The following FCHSD2 variants were observed in gnomAD, a reference collection of about 807,000 sequenced individuals.
FCHSD2 encodes F-BAR and double SH3 domains protein 2.
In FCHSD2, 38 loss-of-function variants were observed where a neutral mutation model predicts 108.1. That is an observed-to-expected ratio of 0.35 (90% CI 0.27 to 0.46). FCHSD2 has a LOEUF of 0.46. Ranked by LOEUF, FCHSD2 falls within the 20% of genes least tolerant of loss-of-function variation. FCHSD2 has a pLI of 1.00. For synonymous variants in FCHSD2, 279 were observed against 314.7 expected, an observed-to-expected ratio of 0.89 and a Z score of 1.20; for missense variants, 751 against 897.8, an observed-to-expected ratio of 0.84 and a Z score of 2.09.
chr11:73,037,278 C>A (rs921256610), intron 3 of FCHSD2, among the ~76,000 whole-genome samples: 3 of 152,134 alleles, frequency 2.0e-5, no homozygotes, highest in Non-Finnish European at 2.9e-5. Context: ...CCTACACTGA[C>A]ACATAACACA....
chr11:72,998,065 T>A (rs150038311), intron 5 of FCHSD2, among the ~76,000 whole-genome samples: 1 of 151,976 alleles, frequency 6.6e-6, no homozygotes, highest in Non-Finnish European at 1.5e-5. Flanking sequence ...AATATTCAGA[T>A]TGAAGTACAC....
rs574525593 is a variant in FCHSD2, at chr11:73,025,009, G to A, written c.166-9124C>T. Among the ~76,000 whole-genome samples, 18 of 152,278 alleles carry A rather than the reference G, an allele frequency of 1.2e-4. No homozygotes were observed. The South Asian group carries it at 2.5e-3, about 21-fold the overall frequency. ...AAAAATAACAGAAGTTGGCAAGGTC[G>A]TGGAGAAAAAGAACGCTTATACACT... is the stretch of plus-strand genomic sequence containing the variant. On this transcript the variant is annotated intron_variant, in intron 3 of 19. Coordinates refer to ENST00000409418, the MANE Select transcript of FCHSD2 (RefSeq NM_014824.3).
chr11:72,980,167 T>C (rs1857185956), intron 8 of FCHSD2, among the ~76,000 whole-genome samples: 1 of 152,150 alleles, frequency 6.6e-6, no homozygotes, highest in South Asian at 2.1e-4. Flanking sequence ...GAAAACCCAC[T>C]TGCTAAGCAT....
intron 14 of FCHSD2, among the ~76,000 whole-genome samples, chr11:72,847,597 G>T (rs552375481): frequency 6.6e-6 from 1 of 151,606 alleles, no homozygotes; most frequent in East Asian, 1.9e-4. Flanking sequence ...ACATTTTTGT[G>T]TCCAAAACTT....
chr11:72,890,360 A>G (rs1855288464), intron 10 of FCHSD2, among the ~76,000 whole-genome samples: 1 of 148,094 alleles, frequency 6.8e-6, no homozygotes, highest in African/African-American at 2.5e-5. Context: ...GTAAAGAATC[A>G]TTAAAGAGAA....
chr11:72,987,139 G>A (rs1591460128), intron 6 of FCHSD2, among the ~76,000 whole-genome samples: 1 of 152,012 alleles, frequency 6.6e-6, no homozygotes, highest in Non-Finnish European at 1.5e-5. Context: ...TTCCTTCTAT[G>A]GTCTCTCCTA....
chr11:72,869,599 A>T (rs1337642716), intron 12 of FCHSD2: 1 of 152,224 alleles, frequency 6.6e-6, no homozygotes, highest in Non-Finnish European at 1.5e-5. Context: ...GGGCCATGCT[A>T]ATCTTCTCTG....
chr11:72,958,401 C>T (rs1300816462), intron 8 of FCHSD2, among the ~76,000 whole-genome samples: 1 of 152,112 alleles, frequency 6.6e-6, no homozygotes, highest in Non-Finnish European at 1.5e-5. Flanking sequence ...ACCTGTAGTA[C>T]CAGGTATTTG....
intron 12 of FCHSD2, among the ~76,000 whole-genome samples, chr11:72,870,671 G>C (rs886604008): frequency 2.0e-5 from 3 of 151,972 alleles, no homozygotes; most frequent in Middle Eastern, 6.8e-3. Context: ...GAAGCCGAGG[G>C]GGGCAGATCA....
chr11:73,070,641 G>A (rs1432070353), intron 3 of FCHSD2, among the ~76,000 whole-genome samples: 3 of 151,824 alleles, frequency 2.0e-5, no homozygotes, highest in Non-Finnish European at 4.4e-5. Flanking sequence ...GGCCAGGCTG[G>A]TCTCGAACTC....
intron 4 of FCHSD2, among the ~76,000 whole-genome samples, chr11:73,010,497 T>C (rs1194775109): frequency 6.6e-6 from 1 of 152,250 alleles, no homozygotes; most frequent in African/African-American, 2.4e-5. Context: ...TAACTGCACA[T>C]CTGATGTGAT....
At chr11:72,904,777 A>C (rs972487380) in intron 9 of FCHSD2, among the ~76,000 whole-genome samples, 6 of 152,176 alleles carry the variant, frequency 3.9e-5, no homozygotes, top group Admixed American at 3.9e-4. Context: ...CTTTCTTTTC[A>C]TATACTAGTT....
intron 3 of FCHSD2, among the ~76,000 whole-genome samples, chr11:73,044,871 C>T (rs1352201276): frequency 6.6e-6 from 1 of 152,052 alleles, no homozygotes; most frequent in Non-Finnish European, 1.5e-5. Context: ...GAGATCGAGA[C>T]CATCCTGACT....
At chr11:73,020,141 C>T (rs1042845795) in intron 3 of FCHSD2, among the ~76,000 whole-genome samples, 3 of 152,144 alleles carry the variant, frequency 2.0e-5, no homozygotes, top group Non-Finnish European at 2.9e-5. Flanking sequence ...TTTAAAAAGC[C>T]ATCAGTGTCT....
At chr11:72,903,229 ATTTT>A (rs1475855910) in intron 9 of FCHSD2, among the ~76,000 whole-genome samples, 2 of 150,552 alleles carry the variant, frequency 1.3e-5, no homozygotes, top group African/African-American at 2.4e-5. Flanking sequence ...TTATTTATTT[ATTTT>A]TTGAGACGAG....
At chr11:72,867,151 G>C (rs1042325155) in intron 13 of FCHSD2, among the ~76,000 whole-genome samples, 2 of 152,238 alleles carry the variant, frequency 1.3e-5, no homozygotes, top group Non-Finnish European at 2.9e-5. Context: ...CAGGATGACA[G>C]AGAGTAATGG....
intron 3 of FCHSD2, among the ~76,000 whole-genome samples, chr11:73,078,888 T>C (rs1859617648): frequency 6.6e-6 from 1 of 152,180 alleles, no homozygotes; most frequent in Non-Finnish European, 1.5e-5. Flanking sequence ...TGGCTAATTT[T>C]TTTTTATTTT....
intron 3 of FCHSD2, among the ~76,000 whole-genome samples, chr11:73,045,936 G>A (rs965464635): frequency 6.8e-6 from 1 of 146,454 alleles, no homozygotes; most frequent in Non-Finnish European, 1.5e-5. Context: ...AAAAAAAAAT[G>A]GAAGGAAAGC....
At chr11:72,983,620 T>A (rs1473528481) in intron 8 of FCHSD2, 6 of 185,968 alleles carry the variant, frequency 3.2e-5, no homozygotes, top group Non-Finnish European at 5.7e-5. Flanking sequence ...CTTATAAAAA[T>A]TTTTCAAAAA....
Sources: gnomAD v4.1 joint callset for allele counts (sites outside exome capture counted in the v4.1 genomes callset) on GRCh38, gnomAD v4.1.1 for gene constraint, MANE v1.5 for transcripts, NCBI Gene and HGNC (gene_info 2026-07-23, HGNC 2026-07-21) for gene names.